EIF4G3: variants seen among roughly 807,000 people sequenced by gnomAD.
EIF4G3 encodes the protein eukaryotic translation initiation factor 4 gamma 3.
In EIF4G3, 34 loss-of-function variants were observed where a neutral mutation model predicts 186.4. That is an observed-to-expected ratio of 0.18 (90% CI 0.14 to 0.24). The LOEUF (loss-of-function observed/expected upper bound fraction) is 0.24, where lower values mean the gene tolerates loss of function less well. EIF4G3 is among the 10% of genes least tolerant of loss of function. The pLI, the probability that EIF4G3 is intolerant of heterozygous loss-of-function variation, is 1.00. For synonymous variants in EIF4G3, 673 were observed against 679.5 expected, an observed-to-expected ratio of 0.99 and a Z score of 0.15; for missense variants, 1,536 against 1,948.5, an observed-to-expected ratio of 0.79 and a Z score of 3.99.
At chr1:21,125,763 TA>T (rs1260275558) in intron 2 of EIF4G3, among the ~76,000 whole-genome samples, 13 of 123,674 alleles carry the variant, frequency 1.1e-4, no homozygotes, top group East Asian at 6.2e-4. Flanking sequence ...AATTTTTTTA[TA>T]TATATATACA....
intron 2 of EIF4G3, among the ~76,000 whole-genome samples, chr1:21,168,547 T>C (rs1271443074): frequency 1.3e-5 from 2 of 152,006 alleles, no homozygotes; most frequent in African/African-American, 4.8e-5. Flanking sequence ...CTCAGCCTCC[T>C]GAGTAGCAGG....
chr1:20,968,527 A>G (rs1211721443), intron 12 of EIF4G3, among the ~76,000 whole-genome samples: 1 of 152,140 alleles, frequency 6.6e-6, no homozygotes, highest in African/African-American at 2.4e-5. Flanking sequence ...TCTCTATTAT[A>G]GTTTACTAAA....
chr1:21,094,765 T>TATAATAATA (rs368168938), intron 2 of EIF4G3, among the ~76,000 whole-genome samples: 15,242 of 140,694 alleles, frequency 0.11, 934 homozygotes, highest in East Asian at 0.15. Flanking sequence ...GAACTTAAAG[T>TATAATAATA]ATAATAATAA....
chr1:21,063,385 G>A (rs1052266060), intron 3 of EIF4G3, among the ~76,000 whole-genome samples: 6 of 151,846 alleles, frequency 4.0e-5, no homozygotes, highest in East Asian at 1.9e-4. Context: ...CTGAGAGAGC[G>A]TTAAAAAAAA....
chr1:20,857,846 A>G (rs2154551437), intron 24 of EIF4G3, among the ~76,000 whole-genome samples: 1 of 152,336 alleles, frequency 6.6e-6, no homozygotes, highest in African/African-American at 2.4e-5. Flanking sequence ...TCAGATGGAA[A>G]TTATTTATTC....
intron 20 of EIF4G3, among the ~76,000 whole-genome samples, chr1:20,867,813 G>A (rs529022607): frequency 2.0e-5 from 3 of 152,198 alleles, no homozygotes; most frequent in South Asian, 4.1e-4. Flanking sequence ...TGGTCAAGAG[G>A]AATTTCACAT....
intron 12 of EIF4G3, among the ~76,000 whole-genome samples, chr1:20,955,065 G>A (rs17417388): frequency 0.027 from 4,164 of 152,250 alleles, 85 homozygotes; most frequent in Non-Finnish European, 0.038. Context: ...AAAGGTAAGA[G>A]GGATGCAGAA....
In EIF4G3 at chr1:20,871,504, T is replaced by G. The variant is rs560751151; in HGVS notation, c.2623-6242A>C. 1.7e-3 allele frequency among the ~76,000 whole-genome samples: 255 copies of G among 152,332 alleles called. 1 individual carries two copies. The highest frequency in any genetic ancestry group is 3.2e-3 in the Non-Finnish European group (215 of 68,024). ...TCAGACTCCCAGATACTAGTTCAATTTTTTATTCACTGTCTTCAGTTTCTT... is the reference window on the plus strand; with the variant it reads ...TCAGACTCCCAGATACTAGTTCAATGTTTTATTCACTGTCTTCAGTTTCTT... On this transcript the variant is annotated intron_variant, in intron 20 of 36. Coordinates refer to ENST00000602326, the MANE Select transcript of EIF4G3 (RefSeq NM_001391906.1).
intron 7 of EIF4G3, among the ~76,000 whole-genome samples, chr1:20,993,502 C>T (rs916889604): frequency 6.6e-6 from 1 of 152,034 alleles, no homozygotes; most frequent in Non-Finnish European, 1.5e-5. Flanking sequence ...TTTTTCTTTG[C>T]AACAGCTATA....
chr1:20,924,600 C>T (rs185523517), intron 14 of EIF4G3, among the ~76,000 whole-genome samples: 8 of 152,272 alleles, frequency 5.3e-5, no homozygotes, highest in African/African-American at 1.7e-4. Context: ...TCACTCTGGT[C>T]GCCCAGGCTG....
chr1:20,973,055 T>C lies in EIF4G3; in HGVS notation c.538A>G (p.Ile180Val), dbSNP rs1328922238. Residue 180 changes from isoleucine (I) to valine (V), a missense_variant, in exon 11 of 37, where the codon ATC becomes GTC. This residue lies in a region of EIF4G3 where 194 missense variants were observed against 212.8 expected (regional missense o/e 0.91). Coordinates refer to ENST00000602326, the MANE Select transcript of EIF4G3 (RefSeq NM_001391906.1). ...PSQPVYQSAPIIVPTQQQPPP... is the reference protein window; with the variant it reads ...PSQPVYQSAPVIVPTQQQPPP... ...GGCTGTTGCTGCGTAGGCACTATGA[T>C]AGGTGCTGACTGATACACCGGCTGA... 1.9e-6 allele frequency: 3 copies of C among 1,611,052 alleles called. No homozygotes were observed. The Admixed American group carries it at 5.1e-5, about 27-fold the overall frequency.
At chr1:21,047,596 T>C (rs1211606801) in intron 4 of EIF4G3, among the ~76,000 whole-genome samples, 1 of 152,160 alleles carries the variant, frequency 6.6e-6, no homozygotes, top group Non-Finnish European at 1.5e-5. Flanking sequence ...CTCTTCCCTA[T>C]GAAGAGGGTA....
chr1:20,924,673 C>T (rs2094739004), intron 14 of EIF4G3, among the ~76,000 whole-genome samples: 1 of 152,184 alleles, frequency 6.6e-6, no homozygotes, highest in South Asian at 2.1e-4. Context: ...TCAAGCAATT[C>T]TCCTGCCTTA....
intron 12 of EIF4G3, among the ~76,000 whole-genome samples, chr1:20,963,368 G>A (rs1017281462): frequency 1.5e-5 from 2 of 134,306 alleles, no homozygotes; most frequent in East Asian, 1.9e-4. Context: ...TTGTTCAAGG[G>A]TCAACTGTAA....
chr1:20,981,240 GAA>G lies in EIF4G3; in HGVS notation c.199-15_199-14del, dbSNP rs199719743. On this transcript the variant is annotated splice_polypyrimidine_tract_variant and intron_variant, in intron 8 of 36. Coordinates refer to ENST00000602326, the MANE Select transcript of EIF4G3 (RefSeq NM_001391906.1). ...GCCTCTGGAAAAACTGGGAAGGGGA[GAA>G]AAAAAAAATTTTTTTTTTTTTTTAA... is the stretch of plus-strand genomic sequence containing the variant. The G allele has an allele frequency of 1.4e-6, 2 of 1,452,430 alleles. No homozygotes were observed. Among genetic ancestry groups the G allele is most frequent in the Admixed American group, 2.3e-5 (1 of 43,250 alleles). 90.0% of individuals were successfully genotyped at this position (1,452,430 alleles called of 1,614,324 possible).
chr1:20,837,695 C>T (rs2067168694), intron 30 of EIF4G3, among the ~76,000 whole-genome samples: 1 of 152,128 alleles, frequency 6.6e-6, no homozygotes, highest in African/African-American at 2.4e-5. Context: ...AAGCAAAAGA[C>T]AGGGTATCTT....
At chr1:20,989,790 T>C (rs576205307) in intron 7 of EIF4G3, among the ~76,000 whole-genome samples, 3 of 152,146 alleles carry the variant, frequency 2.0e-5, no homozygotes, top group Admixed American at 1.3e-4. Flanking sequence ...AGCAGCAGAG[T>C]TTGAGATTGA....
In EIF4G3 at chr1:21,004,324, T is replaced by C. The variant is rs560735677; in HGVS notation, c.-66-1516A>G. Among the ~76,000 whole-genome samples the C allele has an allele frequency of 2.6e-5, 4 of 152,332 alleles. No homozygotes were observed. In the East Asian group the frequency reaches 7.7e-4, roughly 29 times the overall value. On this transcript the variant is annotated intron_variant, in intron 4 of 36. Coordinates refer to ENST00000602326, the MANE Select transcript of EIF4G3 (RefSeq NM_001391906.1). ...AGATAAAAACATAAGCTTTTCATTGTAAATCCATGCCAAATGTTATAGACT... is the reference window on the plus strand; with the variant it reads ...AGATAAAAACATAAGCTTTTCATTGCAAATCCATGCCAAATGTTATAGACT...
At chr1:20,970,090 T>C (rs1448998786) in intron 11 of EIF4G3, among the ~76,000 whole-genome samples, 1 of 152,018 alleles carries the variant, frequency 6.6e-6, no homozygotes, top group African/African-American at 2.4e-5. Context: ...CAGCCTCCCG[T>C]GCCAGGATTA....
Sources: allele counts gnomAD v4.1 joint callset (sites outside exome capture counted in the v4.1 genomes callset), GRCh38; gene constraint gnomAD v4.1.1; regional missense constraint gnomAD v4.1.1; transcripts MANE v1.5; gene names NCBI Gene and HGNC (gene_info 2026-07-23, HGNC 2026-07-21).